Variants in VSTM4 observed in about 807,000 individuals in gnomAD.
The protein encoded by VSTM4 is V-set and transmembrane domain containing 4.
VSTM4 carries 20 observed loss-of-function variants against 36.4 expected under a neutral mutation model. That is an observed-to-expected ratio of 0.55 (90% confidence interval 0.39 to 0.80). The LOEUF is 0.80. Ranked by LOEUF, VSTM4 falls within the 30% of genes least tolerant of loss-of-function variation. VSTM4 has a pLI of 0.00. For synonymous variants in VSTM4, 182 were observed against 173.9 expected, an observed-to-expected ratio of 1.05 and a Z score of -0.37; for missense variants, 392 against 404.5, an observed-to-expected ratio of 0.97 and a Z score of 0.26.
At chr10:49,048,811 AG>A (rs1453464122) in intron 5 of VSTM4, among the ~76,000 whole-genome samples, 5 of 152,220 alleles carry the variant, frequency 3.3e-5, no homozygotes, top group African/African-American at 9.6e-5. Flanking sequence ...GAGTTGAGCC[AG>A]TTGGTGATTT....
At chr10:49,071,514 A>G (rs1260035683) in intron 4 of VSTM4, among the ~76,000 whole-genome samples, 1 of 152,228 alleles carries the variant, frequency 6.6e-6, no homozygotes, top group East Asian at 1.9e-4. Context: ...TATGTGTGCA[A>G]TCAGCTCCAG....
At chr10:49,038,220 A>G (rs1025370726) in intron 7 of VSTM4, among the ~76,000 whole-genome samples, 1 of 152,252 alleles carries the variant, frequency 6.6e-6, no homozygotes, top group Non-Finnish European at 1.5e-5. Context: ...TTGTCCAGCA[A>G]GGGATAAATG....
intron 7 of VSTM4, among the ~76,000 whole-genome samples, chr10:49,025,346 C>A (rs960718343): frequency 1.3e-5 from 2 of 152,062 alleles, no homozygotes; most frequent in South Asian, 2.1e-4. Context: ...GGAGAATATA[C>A]GAGATTAAGG....
intron 7 of VSTM4, among the ~76,000 whole-genome samples, chr10:49,040,117 C>T (rs983731905): frequency 3.9e-5 from 6 of 152,160 alleles, no homozygotes; most frequent in Non-Finnish European, 7.3e-5. Context: ...GTTTATTAGA[C>T]AAACTGGTCA....
At chr10:49,084,754 G>A (rs1844340751) in intron 3 of VSTM4, among the ~76,000 whole-genome samples, 1 of 152,184 alleles carries the variant, frequency 6.6e-6, no homozygotes, top group Non-Finnish European at 1.5e-5. Context: ...CTCTGCCAGA[G>A]AACTCACAAA....
intron 4 of VSTM4, among the ~76,000 whole-genome samples, chr10:49,067,290 T>C (rs1843990605): frequency 6.6e-6 from 1 of 152,256 alleles, no homozygotes; most frequent in African/African-American, 2.4e-5. Context: ...TCTAACTTAA[T>C]CTTCACAGTA....
intron 7 of VSTM4, among the ~76,000 whole-genome samples, chr10:49,038,476 T>C (rs117966858): frequency 0.011 from 1,665 of 152,286 alleles, 19 homozygotes; most frequent in Non-Finnish European, 0.018. Context: ...GGGGTGTTTC[T>C]TGAGTACAGA....
chr10:49,067,623 C>A (rs1240941680), intron 4 of VSTM4, among the ~76,000 whole-genome samples: 8 of 152,222 alleles, frequency 5.3e-5, no homozygotes, highest in Non-Finnish European at 1.2e-4. Flanking sequence ...GTCTCTAAAG[C>A]CCAGGAGAGA....
intron 7 of VSTM4, among the ~76,000 whole-genome samples, chr10:49,044,091 G>A (rs573747851): frequency 2.7e-4 from 41 of 152,264 alleles, no homozygotes; most frequent in African/African-American, 7.9e-4. Flanking sequence ...ACTTTTGGAC[G>A]CCGAGGTGGA....
At chr10:49,082,379 T>C (rs146387529) in intron 3 of VSTM4, among the ~76,000 whole-genome samples, 1 of 152,324 alleles carries the variant, frequency 6.6e-6, no homozygotes, top group East Asian at 1.9e-4. Flanking sequence ...AAATACCACA[T>C]ATGGTCAGGC....
At chr10:49,094,972 C>T (rs540090204) in intron 2 of VSTM4, among the ~76,000 whole-genome samples, 2 of 152,180 alleles carry the variant, frequency 1.3e-5, no homozygotes, top group South Asian at 2.1e-4. Flanking sequence ...AGGCAGCAGC[C>T]GATGAGAAAC....
At chr10:49,091,517 G>T (rs1844473908) in intron 2 of VSTM4, among the ~76,000 whole-genome samples, 1 of 152,200 alleles carries the variant, frequency 6.6e-6, no homozygotes. Context: ...CCCTTTGATG[G>T]GACCTGGGGG....
intron 3 of VSTM4, among the ~76,000 whole-genome samples, chr10:49,084,057 G>A (rs896122960): frequency 1.3e-5 from 2 of 152,186 alleles, no homozygotes; most frequent in Non-Finnish European, 2.9e-5. Flanking sequence ...ACAGTGCCTG[G>A]TCACAGGGCA....
chr10:49,103,199 T>C (rs1844699718), intron 2 of VSTM4: 2 of 152,344 alleles, frequency 1.3e-5, no homozygotes, highest in South Asian at 4.1e-4. Flanking sequence ...AAATGTCCAG[T>C]AACAATAAGC....
rs145451464 is a variant in VSTM4 at position 49,107,613 on chromosome 10, G to A, written c.438C>T (p.Ser146=). ...CCTCACCTCTCATTTCCGTGGCTGA[G>A]GAGCCATTGGACCAGGCCGTCCACT... is the stretch of plus-strand genomic sequence containing the variant. ...RNKWTAWSNG[S]SATEMRVISL... is the part of the protein sequence containing the mutation. Residue 146 remains serine, a synonymous_variant, in exon 2 of 8, where the codon TCC becomes TCT. Transcript: ENST00000332853. 131 of 1,607,998 alleles carry A rather than the reference G, an allele frequency of 8.1e-5. No homozygotes were observed. The African/African-American group carries it at 1.5e-3, about 19-fold the overall frequency.
chr10:49,087,968 T>C (rs1844402235), intron 2 of VSTM4, among the ~76,000 whole-genome samples: 1 of 132,086 alleles, frequency 7.6e-6, no homozygotes, highest in Non-Finnish European at 1.5e-5. Flanking sequence ...TATATGTGTA[T>C]ATATACATAT....
At chr10:49,061,102 G>A (rs1449018631) in intron 5 of VSTM4, among the ~76,000 whole-genome samples, 1 of 152,144 alleles carries the variant, frequency 6.6e-6, no homozygotes, top group Admixed American at 6.5e-5. Flanking sequence ...TAAGTCCTCT[G>A]ACTTTGTTAT....
intron 5 of VSTM4, among the ~76,000 whole-genome samples, chr10:49,063,859 A>C (rs965450088): frequency 5.9e-5 from 9 of 152,150 alleles, no homozygotes; most frequent in African/African-American, 1.7e-4. Flanking sequence ...TGGAAGAAAA[A>C]GTGAGCTCTT....
In VSTM4 at chr10:49,114,243, G is replaced by A. The variant is rs564573068; in HGVS notation, c.55+1188C>T. Among the ~76,000 whole-genome samples the A allele has an allele frequency of 2.0e-5, 3 of 152,326 alleles. No individual in the cohort carries two copies. In the South Asian group the frequency reaches 6.2e-4, roughly 32 times the overall value. ...ACTCATAGCTGGGGGACAGTAGATG[G>A]ATTTCTTCCCACTGTTATCCAAGTG... On this transcript the variant is annotated intron_variant, in intron 1 of 7. Coordinates refer to ENST00000332853, the MANE Select transcript of VSTM4 (RefSeq NM_001031746.5).
Sources: allele counts gnomAD v4.1 joint callset (sites outside exome capture counted in the v4.1 genomes callset), GRCh38; gene constraint gnomAD v4.1.1; transcripts MANE v1.5; gene names NCBI Gene and HGNC (gene_info 2026-07-23, HGNC 2026-07-21).